The following PANK2 variants were observed in gnomAD, a reference collection of about 807,000 sequenced individuals.
PANK2 encodes pantothenate kinase 2.
A neutral mutation model predicts 43.1 loss-of-function variants in PANK2; 36 were observed. That is an observed-to-expected ratio of 0.84 (90% CI 0.64 to 1.10). The LOEUF (loss-of-function observed/expected upper bound fraction) is 1.10. PANK2 is among the 50% of genes least tolerant of loss of function. The pLI is 0.00. For missense variants in PANK2, 576 were observed against 593.3 expected (o/e 0.97, Z 0.30); for synonymous variants, 281 against 238.2 (o/e 1.18, Z -1.66).
rs1395649986 is a variant in PANK2 at position 3,889,646 on chromosome 20, G to T, written c.216G>T (p.Thr72=). The change falls in exon 1 of 7, where the codon ACG becomes ACT. Residue 72 remains threonine, a synonymous_variant. Transcript: ENST00000610179. Reference sequence around the variant, plus strand: ...CGGTCGGGGCCTCGGCTGAGGGCACGAGGCGGGATCGACTGGGCTCTTACA... The same window carrying T: ...CGGTCGGGGCCTCGGCTGAGGGCACTAGGCGGGATCGACTGGGCTCTTACA... 6.3e-7 allele frequency: 1 copy of T among 1,582,588 alleles called. No individual in the cohort carries two copies.
At chr20:3,912,711 A>G (rs755278099) in intron 4 of PANK2, 77 bp downstream of exon 4, 8 of 1,515,358 alleles carry the variant, frequency 5.3e-6, no homozygotes, top group Non-Finnish European at 7.3e-6. Flanking sequence ...CAAAACTTTG[A>G]GAGGCCGAGA....
At chr20:3,911,365 A>G (rs902865582) in intron 3 of PANK2, among the ~76,000 whole-genome samples, 2 of 150,946 alleles carry the variant, frequency 1.3e-5, no homozygotes, top group African/African-American at 4.9e-5. Flanking sequence ...CGGGTGGATC[A>G]TGAGGTCAGG....
intron 6 of PANK2, among the ~76,000 whole-genome samples, chr20:3,922,620 C>A (rs1048535790): frequency 1.3e-5 from 2 of 152,134 alleles, no homozygotes; most frequent in Admixed American, 6.5e-5. Context: ...GTGGGCACCT[C>A]AGCTTCCCAT....
intron 5 of PANK2, 49 bp from the exon 6 acceptor site, chr20:3,918,621 GA>G: frequency 6.2e-7 from 1 of 1,612,626 alleles, no homozygotes; most frequent in Non-Finnish European, 8.5e-7. Flanking sequence ...GCTTTTATGA[GA>G]AAATAGAAAT....
At chr20:3,892,822 C>T (rs144057441) in intron 1 of PANK2, among the ~76,000 whole-genome samples, 21 of 152,192 alleles carry the variant, frequency 1.4e-4, no homozygotes, top group African/African-American at 3.9e-4. Context: ...TTCTGTCACG[C>T]GTTTCCTAGA....
In PANK2 at chr20:3,928,151, A is replaced by C. The variant is rs1002354722; in HGVS notation, c.*4857A>C. The C allele has an allele frequency of 2.6e-5, 4 of 151,862 alleles. No homozygotes were observed. The highest frequency in any genetic ancestry group is 9.7e-5 in the African/African-American group (4 of 41,334). 9.4% of individuals were successfully genotyped at this position (151,862 alleles called of 1,614,324 possible). A position where few individuals can be genotyped will look rare whatever the true frequency, so the allele number is the denominator to read the frequency against. Reference sequence around the variant, plus strand: ...ATCTGGACATGTCCATCTGCTTAAGAAATCTGCTTAAGAAATCTGTAACAG... The same window carrying C: ...ATCTGGACATGTCCATCTGCTTAAGCAATCTGCTTAAGAAATCTGTAACAG... On this transcript the variant is annotated 3_prime_UTR_variant, in exon 7 of 7. Coordinates refer to ENST00000610179, the MANE Select transcript of PANK2 (RefSeq NM_001386393.1).
In PANK2 at chr20:3,903,384, G is replaced by A. The variant is rs2090335119; in HGVS notation, c.299-4542G>A. 2.0e-5 allele frequency among the ~76,000 whole-genome samples: 3 copies of A among 151,062 alleles called. No individual in the cohort carries two copies. The South Asian group carries it at 6.3e-4, about 32-fold the overall frequency. On this transcript the variant is annotated intron_variant, in intron 1 of 6. Transcript: ENST00000610179. ...TCTGGTCTTGAATTCCTGACCTCAG[G>A]TGATCCGCCCGCCTTAGCCTCCCAA...
chr20:3,900,649 T>G (rs1335092385), intron 1 of PANK2, among the ~76,000 whole-genome samples: 1 of 152,038 alleles, frequency 6.6e-6, no homozygotes, highest in East Asian at 1.9e-4. Flanking sequence ...AATTTCTCCT[T>G]TTCTCTCCTA....
At position 3,923,286 on chromosome 20, in the gene PANK2, A is replaced by G; in HGVS notation, c.1375A>G (p.Ile459Val). Residue 459 changes from isoleucine to valine, a missense_variant, in exon 7 of 7, where the codon ATC (isoleucine) becomes GTC (valine). Physicochemically the swap from Ile to Val is conservative, Grantham distance 29 (BLOSUM62 3). Transcript: ENST00000610179. ...TGGAGCACTCCTTGAGCTGTTGAAG[A>G]TCCCGTGATCATTACCTGGGGAGGG... The G allele has an allele frequency of 1.9e-6, 3 of 1,614,188 alleles. No individual in the cohort carries two copies. The highest frequency in any genetic ancestry group is 2.5e-6 in the Non-Finnish European group (3 of 1,180,034).
intron 1 of PANK2, among the ~76,000 whole-genome samples, chr20:3,899,523 T>C (rs1456237485): frequency 6.6e-6 from 1 of 151,598 alleles, no homozygotes; most frequent in East Asian, 1.9e-4. Flanking sequence ...ATCCACCTTA[T>C]TAGCCATGAT....
chr20:3,908,412 G>A (rs2090421479), intron 2 of PANK2, 134 bp downstream of exon 2: 5 of 898,852 alleles, frequency 5.6e-6, no homozygotes, highest in South Asian at 1.6e-5. Flanking sequence ...TTAAAGGTAC[G>A]CTAGTGATAG....
At chr20:3,897,530 G>A (rs533231219) in intron 1 of PANK2, among the ~76,000 whole-genome samples, 19 of 151,646 alleles carry the variant, frequency 1.3e-4, no homozygotes, top group Non-Finnish European at 2.4e-4. Flanking sequence ...GTGAAACCTC[G>A]TCTCTACAAA....
intron 6 of PANK2, among the ~76,000 whole-genome samples, chr20:3,920,613 G>A (rs910415085): frequency 2.0e-5 from 3 of 152,148 alleles, no homozygotes; most frequent in East Asian, 1.9e-4. Flanking sequence ...TTGGGAGGCC[G>A]AGGTGGGCGG....
intron 3 of PANK2, 115 bp downstream of exon 3, chr20:3,910,945 A>G: frequency 2.4e-6 from 3 of 1,272,118 alleles, no homozygotes; most frequent in Non-Finnish European, 2.2e-6. Context: ...TTTCTGGATT[A>G]TGCAAACAAA....
At chr20:3,900,115 T>A (rs1336050183) in intron 1 of PANK2, among the ~76,000 whole-genome samples, 1 of 151,980 alleles carries the variant, frequency 6.6e-6, no homozygotes, top group Non-Finnish European at 1.5e-5. Flanking sequence ...CTGTTAACAT[T>A]TGCTTGATAC....
chr20:3,918,375 T>C (rs957630733), intron 5 of PANK2, among the ~76,000 whole-genome samples: 1 of 152,230 alleles, frequency 6.6e-6, no homozygotes, highest in African/African-American at 2.4e-5. Context: ...TTTTTTTGTT[T>C]ATTTTAACTT....
intron 6 of PANK2, among the ~76,000 whole-genome samples, chr20:3,920,823 C>A (rs1377634821): frequency 6.6e-6 from 1 of 152,170 alleles, no homozygotes; most frequent in Admixed American, 6.5e-5. Flanking sequence ...CCAGCCTGGG[C>A]AACAAGAGCG....
At chr20:3,915,891 G>A (rs1375414057) in intron 4 of PANK2, among the ~76,000 whole-genome samples, 1 of 152,156 alleles carries the variant, frequency 6.6e-6, no homozygotes, top group Admixed American at 6.6e-5. Flanking sequence ...GTTGTATTAA[G>A]TTCTGAAGTA....
At chr20:3,922,470 G>A (rs968669941) in intron 6 of PANK2, among the ~76,000 whole-genome samples, 6 of 152,164 alleles carry the variant, frequency 3.9e-5, no homozygotes, top group African/African-American at 1.4e-4. Context: ...GGGAGCCTCC[G>A]TGCTTCCTCA....
Sources: allele counts gnomAD v4.1 joint callset (sites outside exome capture counted in the v4.1 genomes callset), GRCh38; gene constraint gnomAD v4.1.1; transcripts MANE v1.5; gene names NCBI Gene and HGNC (gene_info 2026-07-23, HGNC 2026-07-21).